Variants in KHNYN observed in about 807,000 individuals in gnomAD.
KHNYN encodes protein KHNYN.
Under a neutral mutation model 62.7 loss-of-function variants are expected in KHNYN, and 42 were observed. The observed-to-expected ratio is 0.67, with a 90% CI of 0.52 to 0.87. The LOEUF is 0.87. KHNYN is among the 40% of genes least tolerant of loss of function. The pLI is 0.00. For missense variants in KHNYN, 829 were observed against 874.1 expected (o/e 0.95, Z 0.65); for synonymous variants, 347 against 345.6 (o/e 1.00, Z -0.04).
chr14:24,437,164 G>A lies in KHNYN; in HGVS notation c.1916G>A (p.Arg639Gln), dbSNP rs929389327. ...IRKTRETERL[R>Q]RQLLEVFWGQ... is the part of the protein sequence containing the mutation. Reference sequence around the variant, plus strand: ...AAGACCCGGGAAACAGAGCGGCTCCGGCGGCAGCTGCTGGAGGTGTTTTGG... The same window carrying A: ...AAGACCCGGGAAACAGAGCGGCTCCAGCGGCAGCTGCTGGAGGTGTTTTGG... Residue 639 changes from arginine (R) to glutamine (Q), a missense_variant, in exon 8 of 8, where the codon CGG becomes CAG. Coordinates refer to ENST00000553935, the MANE Select transcript of KHNYN (RefSeq NM_015299.3). The surrounding 1 kb of genome is among the most constrained non-coding windows in gnomAD (Gnocchi z 5.5). 4 of 1,614,190 alleles carry A rather than the reference G, an allele frequency of 2.5e-6. No individual in the cohort carries two copies. Among genetic ancestry groups the A allele is most frequent in the Non-Finnish European group, 3.4e-6 (4 of 1,180,024 alleles).
rs1436008109 is a variant in KHNYN, at chr14:24,432,146, G to A, written c.885G>A (p.Gly295=). 1 of 1,555,838 alleles carries A rather than the reference G, an allele frequency of 6.4e-7. No individual in the cohort carries two copies. Among genetic ancestry groups the A allele is most frequent in the Non-Finnish European group, 8.7e-7 (1 of 1,149,792 alleles). ...TCAGGCCACAGTCAGTGGGTGGAGG[G>A]GCAAGGGAGTCAGCACCCCTGAAAG... is the stretch of plus-strand genomic sequence containing the variant. ...VALRPQSVGG[G]ARESAPLKGK... The change falls in exon 3 of 8, where the codon GGG becomes GGA. Residue 295 remains glycine, a synonymous_variant. Coordinates refer to ENST00000553935, the MANE Select transcript of KHNYN (RefSeq NM_015299.3). The surrounding 1 kb of genome is among the most constrained non-coding windows in gnomAD (Gnocchi z 5.6).
chr14:24,425,028 C>T (rs920232589), upstream of KHNYN, among the ~76,000 whole-genome samples: 2 of 152,096 alleles, frequency 1.3e-5, no homozygotes, highest in Non-Finnish European at 2.9e-5. Flanking sequence ...GGCGAAACCC[C>T]ATCTTTACTA....
In KHNYN at chr14:24,432,923, T is replaced by C. The variant is rs371628397; in HGVS notation, c.1481-13T>C. The C allele has an allele frequency of 6.2e-7, 1 of 1,614,182 alleles. No homozygotes were observed. Among genetic ancestry groups the C allele is most frequent in the Non-Finnish European group, 8.5e-7 (1 of 1,180,000 alleles). On this transcript the variant is annotated splice_polypyrimidine_tract_variant and intron_variant, in intron 4 of 7. Transcript: ENST00000553935. This position sits in a 1 kb window ranked among gnomAD's most constrained non-coding sequence, Gnocchi z 5.6. ...CACTTTGAGGAGAACCCTATTATGT[T>C]CTTTTTCAATAGAGAGTCACTTCCT...
Position 24,430,187 on chromosome 14 carries a change from C to G in KHNYN, c.-18+68C>G, listed in dbSNP as rs1443638211. On this transcript the variant is annotated intron_variant, in intron 1 of 7. Coordinates refer to ENST00000553935, the MANE Select transcript of KHNYN (RefSeq NM_015299.3). ...GCCGCGGTGCGGAGTAGGCCCGGCC[C>G]GGGGTGGCTGCCCCAGTCCGCGGTG... 3 of 969,786 alleles carry G rather than the reference C, an allele frequency of 3.1e-6. No homozygotes were observed. In the African/African-American group the frequency reaches 5.3e-5, roughly 17 times the overall value. The allele number at this position is 969,786 out of a possible 1,614,324, so 60.1% of individuals were successfully genotyped here.
At chr14:24,428,743 T>A (rs1325461951), upstream of KHNYN, 1 of 1,570,598 alleles carries the variant, frequency 6.4e-7, no homozygotes, top group Non-Finnish European at 8.7e-7. Flanking sequence ...TGGACAGGGG[T>A]AGGGGGATTA....
chr14:24,426,020 T>C (rs1425935513), upstream of KHNYN, among the ~76,000 whole-genome samples: 2 of 152,240 alleles, frequency 1.3e-5, no homozygotes, highest in African/African-American at 4.8e-5. Context: ...TTCTTGTACT[T>C]ATCACGACTC....
In KHNYN at chr14:24,440,224, A is replaced by T; in HGVS notation, c.*2939A>T. The stretch of plus-strand genomic sequence containing the variant: ...GTCGCCCAAAGACAGCTTGCACCAC[A>T]GCGCTGGGGAGAGGGATGAAGGCTC... On this transcript the variant is annotated 3_prime_UTR_variant, in exon 8 of 8. Coordinates refer to ENST00000553935, the MANE Select transcript of KHNYN (RefSeq NM_015299.3). 1 of 1,613,848 alleles carries T rather than the reference A, an allele frequency of 6.2e-7. No homozygotes were observed. Among genetic ancestry groups the T allele is most frequent in the Non-Finnish European group, 8.5e-7 (1 of 1,179,726 alleles).
At position 24,435,858 on chromosome 14, in the gene KHNYN, T is replaced by C. The variant is rs2043196264; in HGVS notation, c.1578-214T>C. ...GTGGCCTATGGGAGACAGTAAAACTTCTGGGGTTGGGGCCTTGGAGAGTCC... is the reference window on the plus strand; with the variant it reads ...GTGGCCTATGGGAGACAGTAAAACTCCTGGGGTTGGGGCCTTGGAGAGTCC... On this transcript the variant is annotated intron_variant, in intron 5 of 7. Transcript: ENST00000553935. 8 of 575,208 alleles carry C rather than the reference T, an allele frequency of 1.4e-5. No homozygotes were observed. In the Admixed American group the frequency reaches 1.5e-4, roughly 11 times the overall value. The allele number at this position is 575,208 out of a possible 1,614,324, so 35.6% of individuals were successfully genotyped here. A position where few individuals can be genotyped will look rare whatever the true frequency, so the allele number is the denominator to read the frequency against.
Position 24,440,043 on chromosome 14 carries a change from G to C in KHNYN, c.*2758G>C. On this transcript the variant is annotated 3_prime_UTR_variant, in exon 8 of 8. Transcript: ENST00000553935. ...CCTATTCACAGTGCCTAACCTGGAA[G>C]CCTGTGAGGAACAGGCCTCAGGCCC... 6.6e-6 allele frequency: 10 copies of C among 1,521,210 alleles called. No individual in the cohort carries two copies. The highest frequency in any genetic ancestry group is 8.9e-6 in the Non-Finnish European group (10 of 1,125,560). The allele number at this position is 1,521,210 out of a possible 1,614,324, so 94.2% of individuals were successfully genotyped here.
At chr14:24,428,941 GGGCTCTGACCCCTCCTGGGCCCACCC>G, upstream of KHNYN, 1 of 1,554,742 alleles carries the variant, frequency 6.4e-7, no homozygotes, top group Non-Finnish European at 8.7e-7. Context: ...CCAGCAGGAC[GGGCTCTGACCCCTCCTGGGCCCACCC>G]GGCCCCCAGG....
rs1239112518 is a variant in KHNYN, at chr14:24,437,199, C to T, written c.1951C>T (p.His651Tyr). 3.1e-6 allele frequency: 5 copies of T among 1,614,192 alleles called. No individual in the cohort carries two copies. The highest frequency in any genetic ancestry group is 4.2e-6 in the Non-Finnish European group (5 of 1,180,024). ...GCTGGAGGTGTTTTGGGGTCAGGAT[C>T]ACAAAGTGGACTTCATCCTGCAGCG... ...QLLEVFWGQDHKVDFILQREP... is the reference protein window; with the variant it reads ...QLLEVFWGQDYKVDFILQREP... The change falls in exon 8 of 8, where the codon CAC becomes TAC. Residue 651 changes from histidine to tyrosine, a missense_variant. Transcript: ENST00000553935. The surrounding 1 kb of genome is among the most constrained non-coding windows in gnomAD (Gnocchi z 5.5).
chr14:24,428,827 C>G (rs952513048), upstream of KHNYN: 9 of 1,612,714 alleles, frequency 5.6e-6, no homozygotes, highest in Admixed American at 5.0e-5. Flanking sequence ...GGCTTCGGAC[C>G]GCAGCAAATG....
chr14:24,431,977 C>A lies in KHNYN; in HGVS notation c.716C>A (p.Ser239Tyr), dbSNP rs2043124579. 6.2e-7 allele frequency: 1 copy of A among 1,612,140 alleles called. No individual in the cohort carries two copies. Among genetic ancestry groups the A allele is most frequent in the Non-Finnish European group, 8.5e-7 (1 of 1,178,766 alleles). ...GGCAGGGAGTCCCTGGACACTGGAT[C>A]TATGGGACCCGGAGATTGCAGGGGA... The part of the protein sequence containing the change: ...SDGRESLDTG[S>Y]MGPGDCRGAR... The change falls in exon 3 of 8, where the codon TCT (serine) becomes TAT (tyrosine). Residue 239 changes from serine (S) to tyrosine (Y), a missense_variant. Physicochemically the swap from Ser to Tyr is moderately radical, Grantham distance 144 (BLOSUM62 -2). Around this residue, in one of 2 missense-constraint regions of KHNYN, gnomAD observed 559 missense variants for 527.0 expected, o/e 1.06. Transcript: ENST00000553935.
At position 24,441,766 on chromosome 14, in the gene KHNYN, ATT is replaced by A. The variant is rs766792896; in HGVS notation, c.*4482_*4483del. On this transcript the variant is annotated 3_prime_UTR_variant, in exon 8 of 8. Transcript: ENST00000553935. ...TTGGGTGGTCTCTAGGCGGCTGCCG[ATT>A]ACCTCTTTTTGGAAGGTTTCATTCC... The A allele has an allele frequency of 1.9e-6, 3 of 1,604,084 alleles. No individual in the cohort carries two copies. The highest frequency in any genetic ancestry group is 1.1e-5 in the South Asian group (1 of 89,070).
Position 24,441,488 on chromosome 14 carries a change from G to GT in KHNYN, c.*4209dup, listed in dbSNP as rs770724871. ...GCATTGAGTGATGCCACTCCCCACT[G>GT]TTTTTTCAGGGTCTCAATTTCTTAG... On this transcript the variant is annotated 3_prime_UTR_variant, in exon 8 of 8. Coordinates refer to ENST00000553935, the MANE Select transcript of KHNYN (RefSeq NM_015299.3). 1.0e-4 allele frequency: 58 copies of GT among 560,554 alleles called. No individual in the cohort carries two copies. Among genetic ancestry groups the GT allele is most frequent in the Non-Finnish European group, 1.7e-4 (55 of 329,188 alleles). The allele number at this position is 560,554 out of a possible 1,614,324, so 34.7% of individuals were successfully genotyped here. A position where few individuals can be genotyped will look rare whatever the true frequency, so the allele number is the denominator to read the frequency against.
upstream of KHNYN, chr14:24,428,730 C>T: frequency 6.5e-7 from 1 of 1,549,620 alleles, no homozygotes; most frequent in Non-Finnish European, 8.7e-7. Context: ...TTTCCAGGTC[C>T]CCTGGACAGG....
chr14:24,438,047 C>T lies in KHNYN; in HGVS notation c.*762C>T, dbSNP rs541326975. On this transcript the variant is annotated 3_prime_UTR_variant, in exon 8 of 8. Coordinates refer to ENST00000553935, the MANE Select transcript of KHNYN (RefSeq NM_015299.3). ...GTGGGTCCTTTGTCTCCAGGATCCACACCCTAGATTTTAACACTGCATTCT... is the reference window on the plus strand; with the variant it reads ...GTGGGTCCTTTGTCTCCAGGATCCATACCCTAGATTTTAACACTGCATTCT... 2 of 152,764 alleles carry T rather than the reference C, an allele frequency of 1.3e-5. No homozygotes were observed. The highest frequency in any genetic ancestry group is 2.1e-4 in the South Asian group (1 of 4,822). The allele number at this position is 152,764 out of a possible 1,614,324, so 9.5% of individuals were successfully genotyped here.
upstream of KHNYN, chr14:24,428,292 A>G: frequency 6.2e-7 from 1 of 1,613,782 alleles, no homozygotes; most frequent in South Asian, 1.1e-5. Flanking sequence ...TCACCTGGAC[A>G]GTTTGGCGGT....
At chr14:24,428,020 CAGCCCTT>C, upstream of KHNYN, 1 of 1,595,672 alleles carries the variant, frequency 6.3e-7, no homozygotes, top group Non-Finnish European at 8.5e-7. Context: ...CCCCATTCCC[CAGCCCTT>C]AGCTCAGGAC....
Sources: allele counts gnomAD v4.1 joint callset (sites outside exome capture counted in the v4.1 genomes callset), GRCh38; gene constraint gnomAD v4.1.1; regional missense constraint gnomAD v4.1.1; non-coding constraint Gnocchi (gnomAD v3.1); transcripts MANE v1.5; gene names NCBI Gene and HGNC (gene_info 2026-07-23, HGNC 2026-07-21).